The following TDRD3 variants were observed in gnomAD, a reference collection of about 807,000 sequenced individuals.
TDRD3 encodes tudor domain-containing protein 3.
TDRD3 carries 45 observed loss-of-function variants against 86.7 expected under a neutral mutation model. The observed-to-expected ratio is 0.52, with a 90% CI of 0.41 to 0.67. The LOEUF is 0.67. Among genes scored for constraint, TDRD3 ranks in the 30% least tolerant of loss-of-function variants. TDRD3 has a pLI of 0.00. For missense variants in TDRD3, 814 were observed against 889.0 expected, an observed-to-expected ratio of 0.92 and a Z score of 1.07; for synonymous variants, 298 against 301.7, an observed-to-expected ratio of 0.99 and a Z score of 0.13.
chr13:60,412,436 C>G (rs1954389176), intron 1 of TDRD3, among the ~76,000 whole-genome samples: 1 of 151,978 alleles, frequency 6.6e-6, no homozygotes, highest in South Asian at 2.1e-4. Context: ...AAGGACTTTT[C>G]AGCTTGAAAA....
chr13:60,511,534 C>T (rs1476507620), intron 10 of TDRD3, among the ~76,000 whole-genome samples: 1 of 152,156 alleles, frequency 6.6e-6, no homozygotes, highest in Non-Finnish European at 1.5e-5. Context: ...TTCTGTGTAA[C>T]AAATTACCAC....
intron 12 of TDRD3, among the ~76,000 whole-genome samples, chr13:60,556,952 C>G (rs915714268): frequency 1.3e-5 from 2 of 152,108 alleles, no homozygotes; most frequent in Admixed American, 6.5e-5. Context: ...CGCCTGTAAT[C>G]CCAACACTTT....
At chr13:60,436,499 AGTTTTCCCAGCAC>A (rs1377595234) in intron 1 of TDRD3, among the ~76,000 whole-genome samples, 2 of 152,166 alleles carry the variant, frequency 1.3e-5, no homozygotes, top group African/African-American at 4.8e-5. Flanking sequence ...GTGGCTTGCC[AGTTTTCCCAGCAC>A]CATTTATTGA....
chr13:60,514,274 G>A (rs910335945), intron 10 of TDRD3, among the ~76,000 whole-genome samples: 1 of 152,154 alleles, frequency 6.6e-6, no homozygotes, highest in Non-Finnish European at 1.5e-5. Context: ...AAATTTCTAA[G>A]CAGCAAAGCA....
At chr13:60,557,567 A>G (rs953861143) in intron 12 of TDRD3, among the ~76,000 whole-genome samples, 5 of 152,098 alleles carry the variant, frequency 3.3e-5, no homozygotes, top group African/African-American at 7.2e-5. Context: ...GGTGTTTGGT[A>G]CATTGGGCCC....
chr13:60,458,408 A>G (rs954830165), intron 3 of TDRD3, among the ~76,000 whole-genome samples: 8 of 152,242 alleles, frequency 5.3e-5, no homozygotes. Flanking sequence ...AGAAGGTGTC[A>G]TGTCAACACC....
chr13:60,496,311 ATATATATAT>A (rs2137572653), intron 8 of TDRD3, among the ~76,000 whole-genome samples: 1 of 60,502 alleles, frequency 1.7e-5, no homozygotes, highest in African/African-American at 5.5e-5. Flanking sequence ...ATATATATAT[ATATATATAT>A]ATATATATAT....
chr13:60,465,876 C>T, intron 4 of TDRD3, among the ~76,000 whole-genome samples: 1 of 152,068 alleles, frequency 6.6e-6, no homozygotes, highest in Non-Finnish European at 1.5e-5. Context: ...GTACTTCTTG[C>T]TGTATGTGAG....
intron 4 of TDRD3, among the ~76,000 whole-genome samples, chr13:60,462,647 C>G (rs1313380721): frequency 6.6e-6 from 1 of 152,074 alleles, no homozygotes; most frequent in Non-Finnish European, 1.5e-5. Context: ...TCTGTCCTAC[C>G]TCCTGCCCTG....
At chr13:60,397,900 C>G (rs1008054775) in intron 1 of TDRD3, among the ~76,000 whole-genome samples, 2 of 152,160 alleles carry the variant, frequency 1.3e-5, no homozygotes, top group African/African-American at 4.8e-5. Context: ...GCCCGCGCTG[C>G]GGCCGGAGCC....
intron 12 of TDRD3, among the ~76,000 whole-genome samples, chr13:60,545,893 CTCTT>C (rs997469746): frequency 1.3e-5 from 2 of 151,370 alleles, no homozygotes; most frequent in African/African-American, 4.9e-5. Context: ...CTCTGTTTCT[CTCTT>C]TTTTCTCTTT....
intron 10 of TDRD3, among the ~76,000 whole-genome samples, chr13:60,525,694 GTTTA>G (rs910861279): frequency 3.3e-5 from 5 of 151,954 alleles, no homozygotes; most frequent in African/African-American, 1.2e-4. Flanking sequence ...TCCTAAGTTT[GTTTA>G]TTTGTTAAAT....
At chr13:60,429,312 A>G (rs998660560) in intron 1 of TDRD3, among the ~76,000 whole-genome samples, 2 of 152,166 alleles carry the variant, frequency 1.3e-5, no homozygotes, top group African/African-American at 2.4e-5. Context: ...ACTAGAAACA[A>G]ATAGGTATTT....
At chr13:60,465,555 A>C (rs1394855768) in intron 4 of TDRD3, among the ~76,000 whole-genome samples, 1 of 152,168 alleles carries the variant, frequency 6.6e-6, no homozygotes, top group Non-Finnish European at 1.5e-5. Context: ...TGCTTTATTG[A>C]GATAGCATTG....
chr13:60,510,732 A>C lies in TDRD3; in HGVS notation c.1118A>C (p.Lys373Thr). ...ACATTATTTGATTTCTTGGAATCTA[A>C]AATGGGAACTTTGAATGTGGAAGGT... ...PSTLFDFLES[K>T]MGTLNVEEPK... Residue 373 changes from lysine to threonine, a missense_variant, in exon 10 of 14, where the codon AAA (lysine) becomes ACA (threonine). Physicochemically the swap from Lys to Thr is moderately conservative, Grantham distance 78. Coordinates refer to ENST00000377881, the MANE Select transcript of TDRD3 (RefSeq NM_001146070.2). 1.3e-6 allele frequency: 2 copies of C among 1,586,974 alleles called. No individual in the cohort carries two copies. The highest frequency in any genetic ancestry group is 1.7e-6 in the Non-Finnish European group (2 of 1,167,770).
At chr13:60,558,202 C>A (rs1167873189) in intron 12 of TDRD3, among the ~76,000 whole-genome samples, 1 of 152,158 alleles carries the variant, frequency 6.6e-6, no homozygotes, top group African/African-American at 2.4e-5. Context: ...CAGTCACATA[C>A]ATAAAATATA....
chr13:60,537,851 T>C lies in TDRD3; in HGVS notation c.2118+2618T>C, dbSNP rs555164608. ...ACAAGATTTTGGAAAACTCTTGTTT[T>C]CCTAAATGTAGCAGTGATCATTTAG... On this transcript the variant is annotated intron_variant, in intron 12 of 13. Coordinates refer to ENST00000377881, the MANE Select transcript of TDRD3 (RefSeq NM_001146070.2). 198 of 152,176 alleles carry C rather than the reference T, an allele frequency of 1.3e-3. 1 individual carries two copies. The highest frequency in any genetic ancestry group is 4.5e-3 in the African/African-American group (187 of 41,562). 9.4% of individuals were successfully genotyped at this position (152,176 alleles called of 1,614,324 possible). A position where few individuals can be genotyped will look rare whatever the true frequency, so the allele number is the denominator to read the frequency against.
intron 7 of TDRD3, among the ~76,000 whole-genome samples, chr13:60,492,170 A>C (rs1161196273): frequency 1.3e-5 from 2 of 152,218 alleles, no homozygotes; most frequent in Non-Finnish European, 2.9e-5. Context: ...ATACAATGGA[A>C]AGAAAATTAT....
At chr13:60,507,492 C>T (rs949588169) in intron 8 of TDRD3, among the ~76,000 whole-genome samples, 1 of 152,164 alleles carries the variant, frequency 6.6e-6, no homozygotes, top group African/African-American at 2.4e-5. Flanking sequence ...AACAGTCTGT[C>T]AGACCACAGT....
Sources: allele counts gnomAD v4.1 joint callset (sites outside exome capture counted in the v4.1 genomes callset), GRCh38; gene constraint gnomAD v4.1.1; transcripts MANE v1.5; gene names NCBI Gene and HGNC (gene_info 2026-07-23, HGNC 2026-07-21).